FRY: variants seen among roughly 807,000 people sequenced by gnomAD.
FRY encodes the protein protein furry homolog.
In FRY, 128 loss-of-function variants were observed where a neutral mutation model predicts 348.4. That is an observed-to-expected ratio of 0.37 (90% CI 0.32 to 0.43). FRY has a LOEUF of 0.43. Ranked by LOEUF, FRY falls within the 20% of genes least tolerant of loss-of-function variation. The pLI is 1.00. For synonymous variants in FRY, 1,370 were observed against 1,374.7 expected (o/e 1.00, Z 0.08); for missense variants, 2,736 against 3,695.2 (o/e 0.74, Z 6.73).
intron 41 of FRY, among the ~76,000 whole-genome samples, chr13:32,234,255 C>T (rs983456511): frequency 6.6e-6 from 1 of 151,684 alleles, no homozygotes; most frequent in Non-Finnish European, 1.5e-5. Flanking sequence ...GACCCCATCT[C>T]TACAAAAAAC....
intron 29 of FRY, 66 bp from the exon 30 acceptor site, chr13:32,201,874 AG>A: frequency 1.1e-6 from 1 of 889,994 alleles, no homozygotes; most frequent in Middle Eastern, 2.2e-4. Context: ...GAATTTTAAG[AG>A]GTAACAATCT....
intron 3 of FRY, among the ~76,000 whole-genome samples, chr13:32,110,224 T>C (rs568369102): frequency 6.6e-6 from 1 of 152,336 alleles, no homozygotes; most frequent in African/African-American, 2.4e-5. Flanking sequence ...AGCAGCGTGC[T>C]AGAACATAAT....
chr13:32,120,099 A>G (rs1364151833), intron 4 of FRY, among the ~76,000 whole-genome samples: 2 of 152,208 alleles, frequency 1.3e-5, no homozygotes, highest in African/African-American at 4.8e-5. Flanking sequence ...GCAAGTCTAA[A>G]TCCTGTCATC....
At chr13:32,273,940 G>C (rs1443854094) in intron 55 of FRY, among the ~76,000 whole-genome samples, 1 of 152,140 alleles carries the variant, frequency 6.6e-6, no homozygotes, top group Non-Finnish European at 1.5e-5. Context: ...GAAACTTTTT[G>C]AGTGCCAATG....
intron 3 of FRY, among the ~76,000 whole-genome samples, chr13:32,112,579 A>G (rs1395746640): frequency 1.3e-5 from 2 of 152,192 alleles, no homozygotes; most frequent in Non-Finnish European, 2.9e-5. Context: ...ACTATTTGCA[A>G]TTGAATGTGA....
At chr13:32,141,608 C>T (rs1055556062) in intron 11 of FRY, among the ~76,000 whole-genome samples, 1 of 152,136 alleles carries the variant, frequency 6.6e-6, no homozygotes, top group Admixed American at 6.5e-5. Flanking sequence ...AGGTGCAACC[C>T]AGGAATCTGC....
chr13:32,158,811 G>T (rs577500673), intron 16 of FRY, among the ~76,000 whole-genome samples: 1 of 151,810 alleles, frequency 6.6e-6, no homozygotes, highest in South Asian at 2.1e-4. Context: ...CCAGCTACTC[G>T]GGAGGCTGAG....
Position 32,124,781 on chromosome 13 carries a change from T to C in FRY, c.636-14T>C, listed in dbSNP as rs764161815. 5 of 1,597,348 alleles carry C rather than the reference T, an allele frequency of 3.1e-6. No homozygotes were observed. In the African/African-American group the frequency reaches 5.4e-5, roughly 17 times the overall value. ...ACCAGGGATCCCTAACTTGTCTAAT[T>C]ATACCCTACTTAGGTACCTTGGTCC... On this transcript the variant is annotated splice_polypyrimidine_tract_variant and intron_variant, in intron 6 of 60. Transcript: ENST00000542859.
chr13:32,187,799 G>A (rs1335254566), intron 28 of FRY, 143 bp downstream of exon 28: 10 of 660,968 alleles, frequency 1.5e-5, no homozygotes, highest in Middle Eastern at 3.9e-4. Context: ...TTTGCTTTAC[G>A]CTATGATACA....
chr13:32,183,488 T>C (rs562432501), intron 24 of FRY, among the ~76,000 whole-genome samples: 1 of 152,174 alleles, frequency 6.6e-6, no homozygotes, highest in East Asian at 1.9e-4. Context: ...ATAATAAGAC[T>C]AGAAAAGGGC....
At chr13:32,146,838 A>C (rs1235215733) in intron 11 of FRY, among the ~76,000 whole-genome samples, 1 of 152,202 alleles carries the variant, frequency 6.6e-6, no homozygotes, top group South Asian at 2.1e-4. Context: ...AGTACACATT[A>C]GTCTCAATAA....
chr13:32,127,951 C>T (rs1049140646), intron 7 of FRY, among the ~76,000 whole-genome samples: 1 of 152,096 alleles, frequency 6.6e-6, no homozygotes, highest in African/African-American at 2.4e-5. Flanking sequence ...TCCTTAGTAT[C>T]GTGTCATCTT....
intron 24 of FRY, 126 bp from the exon 25 acceptor site, chr13:32,184,474 A>G (rs915142179): frequency 1.0e-5 from 7 of 692,606 alleles, no homozygotes; most frequent in Admixed American, 2.2e-5. Flanking sequence ...AGAAAAATGT[A>G]TGCTGACTTT....
chr13:32,211,452 G>T (rs541168081), intron 34 of FRY, among the ~76,000 whole-genome samples: 2 of 152,184 alleles, frequency 1.3e-5, no homozygotes, highest in East Asian at 3.9e-4. Context: ...GAGCAAGACT[G>T]TATCTCAAAA....
intron 1 of FRY, among the ~76,000 whole-genome samples, chr13:32,055,958 C>T (rs1056379648): frequency 2.6e-5 from 4 of 151,914 alleles, no homozygotes; most frequent in African/African-American, 7.3e-5. Context: ...TTTGGGAGGC[C>T]GAGGTGGGCA....
At chr13:32,119,611 C>G (rs765542240) in intron 4 of FRY, among the ~76,000 whole-genome samples, 2 of 152,150 alleles carry the variant, frequency 1.3e-5, no homozygotes, top group Admixed American at 1.3e-4. Flanking sequence ...TGCTGCTGGC[C>G]ATCTCTGGGA....
chr13:32,083,106 TATCTTTTTACCC>T (rs1204609883), intron 2 of FRY, among the ~76,000 whole-genome samples: 5 of 152,186 alleles, frequency 3.3e-5, no homozygotes, highest in Admixed American at 1.3e-4. Flanking sequence ...CTACATTGCA[TATCTTTTTACCC>T]ATCTTTTATT....
In FRY at chr13:32,202,382, C is replaced by T. The variant is rs1593733571; in HGVS notation, c.3873C>T (p.Tyr1291=). The change falls in exon 31 of 61, where the codon TAC becomes TAT. Residue 1291 remains tyrosine (Y), a synonymous_variant. Transcript: ENST00000542859. ...TCCTTGAAGCAAAGCTTTTTGTATA[C>T]TCAAAGAAAGTCGCTGAGCAAAGAC... is the stretch of plus-strand genomic sequence containing the variant. ...MQILEAKLFV[Y]SKKVAEQRPG... The T allele has an allele frequency of 2.5e-6, 4 of 1,613,842 alleles. No homozygotes were observed. In the African/African-American group the frequency reaches 4.0e-5, roughly 16 times the overall value.
chr13:32,093,508 T>G (rs1296404603), intron 2 of FRY, among the ~76,000 whole-genome samples: 1 of 152,238 alleles, frequency 6.6e-6, no homozygotes, highest in African/African-American at 2.4e-5. Flanking sequence ...ACGTAATATA[T>G]TCCTCTAACC....
Sources: allele counts gnomAD v4.1 joint callset (sites outside exome capture counted in the v4.1 genomes callset), GRCh38; gene constraint gnomAD v4.1.1; transcripts MANE v1.5; gene names NCBI Gene and HGNC (gene_info 2026-07-23, HGNC 2026-07-21).